ZEB1: variants seen among roughly 807,000 people sequenced by gnomAD.
The protein encoded by ZEB1 is zinc finger E-box-binding homeobox 1.
A neutral mutation model predicts 84.9 loss-of-function variants in ZEB1; 21 were observed. The observed-to-expected ratio is 0.25, with a 90% CI of 0.18 to 0.36. The LOEUF (loss-of-function observed/expected upper bound fraction) is 0.36. Among genes scored for constraint, ZEB1 ranks in the 10% least tolerant of loss-of-function variants. The probability of loss-of-function intolerance (pLI) is 1.00; values close to 1 mark genes in which losing one functional copy is unlikely to be tolerated. For missense variants in ZEB1, 1,104 were observed against 1,330.2 expected, an observed-to-expected ratio of 0.83 and a Z score of 2.65; for synonymous variants, 420 against 471.1, an observed-to-expected ratio of 0.89 and a Z score of 1.41.
intron 1 of ZEB1, among the ~76,000 whole-genome samples, chr10:31,335,794 C>A (rs2037892211): frequency 1.3e-5 from 2 of 152,134 alleles, no homozygotes; most frequent in East Asian, 1.9e-4. Context: ...AACAAAGATA[C>A]AATGATTAGA....
chr10:31,400,585 G>A (rs145294630), intron 1 of ZEB1, among the ~76,000 whole-genome samples: 2 of 151,934 alleles, frequency 1.3e-5, no homozygotes, highest in Non-Finnish European at 2.9e-5. Flanking sequence ...CTTTTTAAAA[G>A]AATCTTTTAT....
chr10:31,490,060 C>T (rs765440317), intron 2 of ZEB1, among the ~76,000 whole-genome samples: 2 of 151,332 alleles, frequency 1.3e-5, no homozygotes, highest in Non-Finnish European at 3.0e-5. Flanking sequence ...ACTCTGTAGT[C>T]CATTGATCCC....
At chr10:31,428,139 GTTAT>G (rs1287687132) in intron 1 of ZEB1, among the ~76,000 whole-genome samples, 1 of 151,988 alleles carries the variant, frequency 6.6e-6, no homozygotes, top group African/African-American at 2.4e-5. Flanking sequence ...TGATTATCTA[GTTAT>G]TTTAGTTGTG....
intron 1 of ZEB1, among the ~76,000 whole-genome samples, chr10:31,452,742 T>TGTGTGTGTGAGAGAGAGAGAGA (rs1387786622): frequency 2.2e-5 from 2 of 90,734 alleles, no homozygotes; most frequent in African/African-American, 1.0e-4. Flanking sequence ...TGTGTGTGTG[T>TGTGTGTGTGAGAGAGAGAGAGA]GAGAGAGAGA....
chr10:31,382,032 AAAC>A (rs1376493480), intron 1 of ZEB1, among the ~76,000 whole-genome samples: 23 of 149,532 alleles, frequency 1.5e-4, no homozygotes, highest in Non-Finnish European at 1.8e-4. Flanking sequence ...AAAAAAAAAA[AAAC>A]AAAGTAAATT....
At chr10:31,460,825 G>C (rs2061722588) in intron 1 of ZEB1, among the ~76,000 whole-genome samples, 1 of 152,034 alleles carries the variant, frequency 6.6e-6, no homozygotes, top group African/African-American at 2.4e-5. Flanking sequence ...TATATAGTAA[G>C]TATTCAATAA....
intron 3 of ZEB1, among the ~76,000 whole-genome samples, chr10:31,499,381 C>G (rs971281830): frequency 1.3e-5 from 2 of 152,094 alleles, no homozygotes; most frequent in Non-Finnish European, 2.9e-5. Context: ...ATTACATGAA[C>G]TGTATTTTGA....
chr10:31,422,003 G>T (rs561258963), intron 1 of ZEB1, among the ~76,000 whole-genome samples: 2 of 152,052 alleles, frequency 1.3e-5, no homozygotes, highest in East Asian at 3.9e-4. Context: ...GATTAAACCT[G>T]TGTTTGCTTT....
At chr10:31,446,390 G>T (rs1209964883) in intron 1 of ZEB1, among the ~76,000 whole-genome samples, 1 of 151,686 alleles carries the variant, frequency 6.6e-6, no homozygotes, top group African/African-American at 2.4e-5. Flanking sequence ...TTTTTTGAAG[G>T]GTTTTTTGTC....
rs2045217419 is a variant in ZEB1, at chr10:31,369,203, TATA to T, written c.58+49915_58+49917del. Among the ~76,000 whole-genome samples, 3 of 152,324 alleles carry T rather than the reference TATA, an allele frequency of 2.0e-5. No individual in the cohort carries two copies. In the South Asian group the frequency reaches 6.2e-4, roughly 32 times the overall value. ...TAATTAACATATCTGTCACCTCACC[TATA>T]ATATTTCATATTGAGACATTTGAAA... On this transcript the variant is annotated intron_variant, in intron 1 of 8. Transcript: ENST00000424869.
chr10:31,421,295 G>T (rs905962994), intron 1 of ZEB1, among the ~76,000 whole-genome samples: 2 of 152,116 alleles, frequency 1.3e-5, no homozygotes, highest in Admixed American at 6.5e-5. Context: ...AAGAGTATCG[G>T]TGTGGGTTGT....
chr10:31,392,727 T>C (rs1368818278), intron 1 of ZEB1, among the ~76,000 whole-genome samples: 1 of 151,840 alleles, frequency 6.6e-6, no homozygotes, highest in Non-Finnish European at 1.5e-5. Context: ...TAAAAGACAA[T>C]TATTTTCTGA....
chr10:31,412,473 T>A (rs941582973), intron 1 of ZEB1, among the ~76,000 whole-genome samples: 4 of 152,164 alleles, frequency 2.6e-5, no homozygotes, highest in African/African-American at 9.7e-5. Context: ...AGTGTTCTCA[T>A]TGTTCAATTC....
At chr10:31,502,985 C>G (rs992320545) in intron 4 of ZEB1, among the ~76,000 whole-genome samples, 2 of 152,100 alleles carry the variant, frequency 1.3e-5, no homozygotes, top group African/African-American at 4.8e-5. Context: ...AAAATGTGTT[C>G]AGACTCTCCT....
At chr10:31,400,589 C>A (rs906926957) in intron 1 of ZEB1, among the ~76,000 whole-genome samples, 8 of 151,878 alleles carry the variant, frequency 5.3e-5, no homozygotes, top group African/African-American at 1.9e-4. Flanking sequence ...TTAAAAGAAT[C>A]TTTTATCATT....
intron 1 of ZEB1, among the ~76,000 whole-genome samples, chr10:31,329,150 A>G (rs2036225765): frequency 1.3e-5 from 2 of 152,136 alleles, no homozygotes; most frequent in South Asian, 4.1e-4. Flanking sequence ...CATTATTTCC[A>G]TCATCCTAAA....
At chr10:31,431,038 T>A (rs1564831257) in intron 1 of ZEB1, among the ~76,000 whole-genome samples, 1 of 152,226 alleles carries the variant, frequency 6.6e-6, no homozygotes, top group South Asian at 2.1e-4. Flanking sequence ...TTATGGATCA[T>A]GTTTCTGGTT....
chr10:31,439,486 C>G (rs1357540478), intron 1 of ZEB1, among the ~76,000 whole-genome samples: 1 of 152,056 alleles, frequency 6.6e-6, no homozygotes, highest in Non-Finnish European at 1.5e-5. Context: ...TACTAAACAT[C>G]ATTTATCTAG....
chr10:31,387,837 G>A (rs2048900782), intron 1 of ZEB1: 1 of 871,066 alleles, frequency 1.1e-6, no homozygotes, highest in Non-Finnish European at 1.4e-6. Flanking sequence ...GATCTTAATT[G>A]AAAAATATTA....
Sources: gnomAD v4.1 joint callset for allele counts (sites outside exome capture counted in the v4.1 genomes callset) on GRCh38, gnomAD v4.1.1 for gene constraint, MANE v1.5 for transcripts, NCBI Gene and HGNC (gene_info 2026-07-23, HGNC 2026-07-21) for gene names.